Variants in GALNT17 observed in about 807,000 individuals in gnomAD.
GALNT17 encodes UDP-GalNAc:polypeptide N-acetylgalactosaminyltransferase-like 3.
Under a neutral mutation model 63.7 loss-of-function variants are expected in GALNT17, and 29 were observed. The observed-to-expected ratio is 0.46, with a 90% CI of 0.34 to 0.62. The LOEUF (loss-of-function observed/expected upper bound fraction) is 0.62. GALNT17 is among the 20% of genes least tolerant of loss of function. The pLI is 0.01. For missense variants in GALNT17, 603 were observed against 799.6 expected (o/e 0.75, Z 2.97); for synonymous variants, 305 against 318.3 (o/e 0.96, Z 0.45).
intron 1 of GALNT17, among the ~76,000 whole-genome samples, chr7:71,211,416 A>G (rs1789376237): frequency 6.6e-6 from 1 of 152,188 alleles, no homozygotes; most frequent in Non-Finnish European, 1.5e-5. Context: ...GTGGAACTGT[A>G]AGTCCAGTTA....
At chr7:71,693,303 C>CATATATATATATATATATATAT (rs1214195779) in intron 9 of GALNT17, among the ~76,000 whole-genome samples, 3 of 121,982 alleles carry the variant, frequency 2.5e-5, no homozygotes, top group East Asian at 5.5e-4. Context: ...CACACACACA[C>CATATATATATATATATATATAT]ACACACATAT....
intron 9 of GALNT17, among the ~76,000 whole-genome samples, chr7:71,678,095 G>C (rs111307160): frequency 3.3e-5 from 5 of 152,052 alleles, no homozygotes. Context: ...TTCCAGCACA[G>C]CCAAGCATTT....
chr7:71,259,633 T>TTTG (rs1474625557), intron 1 of GALNT17, among the ~76,000 whole-genome samples: 2 of 138,768 alleles, frequency 1.4e-5, no homozygotes, highest in African/African-American at 5.6e-5. Flanking sequence ...CCTGTTTTGT[T>TTTG]TTTTGTTTTT....
chr7:71,404,359 T>A (rs1289593969), intron 3 of GALNT17, among the ~76,000 whole-genome samples: 1 of 152,196 alleles, frequency 6.6e-6, no homozygotes, highest in African/African-American at 2.4e-5. Flanking sequence ...TCTTTTGTCC[T>A]TTTTGTCCTT....
chr7:71,349,255 T>C (rs1278411744), intron 2 of GALNT17, among the ~76,000 whole-genome samples: 1 of 152,142 alleles, frequency 6.6e-6, no homozygotes, highest in African/African-American at 2.4e-5. Context: ...ATTTACAGGC[T>C]TGTAAGAGCT....
chr7:71,686,699 C>G (rs978083776), intron 9 of GALNT17, among the ~76,000 whole-genome samples: 4 of 152,114 alleles, frequency 2.6e-5, no homozygotes, highest in African/African-American at 7.2e-5. Flanking sequence ...CTTCCACATA[C>G]TTTTATACAC....
At chr7:71,281,062 C>G (rs1360726684) in intron 1 of GALNT17, among the ~76,000 whole-genome samples, 5 of 152,154 alleles carry the variant, frequency 3.3e-5, no homozygotes, top group African/African-American at 1.2e-4. Flanking sequence ...CAAGGAAAAG[C>G]AGGAACCATG....
At chr7:71,698,123 C>CAAAAAAAAAAAAAAA (rs10708106) in intron 9 of GALNT17, among the ~76,000 whole-genome samples, 2 of 107,726 alleles carry the variant, frequency 1.9e-5, no homozygotes, top group East Asian at 2.4e-4. Context: ...GACTCTGTCT[C>CAAAAAAAAAAAAAAA]AAAAAAAAAA....
intron 1 of GALNT17, among the ~76,000 whole-genome samples, chr7:71,152,076 C>T (rs960868839): frequency 5.9e-5 from 9 of 152,068 alleles, no homozygotes; most frequent in East Asian, 3.9e-4. Flanking sequence ...TTTGCCGTGT[C>T]GTTCTAAAAT....
In GALNT17 at chr7:71,712,218, C is replaced by T. The variant is rs960854896; in HGVS notation, c.*72C>T. On this transcript the variant is annotated 3_prime_UTR_variant, in exon 11 of 11. Coordinates refer to ENST00000333538, the MANE Select transcript of GALNT17 (RefSeq NM_022479.3). ...CTCCCCCCAACATCTGGACCAGCTGCCCTGGCGGAGAGACAGCAAGGGGCC... is the reference window on the plus strand; with the variant it reads ...CTCCCCCCAACATCTGGACCAGCTGTCCTGGCGGAGAGACAGCAAGGGGCC... 9.6e-6 allele frequency: 15 copies of T among 1,560,990 alleles called. No homozygotes were observed. Among genetic ancestry groups the T allele is most frequent in the African/African-American group, 1.4e-5 (1 of 72,896 alleles).
At chr7:71,347,931 T>G (rs1792124131) in intron 2 of GALNT17, among the ~76,000 whole-genome samples, 1 of 152,212 alleles carries the variant, frequency 6.6e-6, no homozygotes. Flanking sequence ...TTTTCATGAT[T>G]TGATTTTTTC....
At chr7:71,537,337 C>T (rs1385284423) in intron 5 of GALNT17, among the ~76,000 whole-genome samples, 1 of 152,134 alleles carries the variant, frequency 6.6e-6, no homozygotes, top group Non-Finnish European at 1.5e-5. Flanking sequence ...AGGATGTGTT[C>T]ACATCCTGAT....
intron 1 of GALNT17, among the ~76,000 whole-genome samples, chr7:71,159,293 C>T (rs527883680): frequency 4.6e-5 from 7 of 151,820 alleles, no homozygotes; most frequent in South Asian, 2.1e-4. Flanking sequence ...TTCCTAAAAA[C>T]GTTGAGAGGT....
intron 3 of GALNT17, among the ~76,000 whole-genome samples, chr7:71,399,246 C>T (rs1563064538): frequency 6.6e-6 from 1 of 151,848 alleles, no homozygotes; most frequent in Admixed American, 6.6e-5. Context: ...CTGCCCTCCT[C>T]CAAAAAAAAT....
At chr7:71,473,964 A>G (rs1353239980) in intron 5 of GALNT17, among the ~76,000 whole-genome samples, 4 of 152,182 alleles carry the variant, frequency 2.6e-5, no homozygotes, top group Admixed American at 1.3e-4. Context: ...GCTACTCCAT[A>G]GGCAGAGTAG....
At chr7:71,610,705 A>G (rs1790112576) in intron 6 of GALNT17, among the ~76,000 whole-genome samples, 1 of 152,090 alleles carries the variant, frequency 6.6e-6, no homozygotes, top group Admixed American at 6.5e-5. Context: ...TTCAATCTCC[A>G]TCAAAAAGGC....
chr7:71,279,772 G>A (rs1010132111), intron 1 of GALNT17, among the ~76,000 whole-genome samples: 14 of 150,524 alleles, frequency 9.3e-5, no homozygotes, highest in African/African-American at 2.9e-4. Context: ...GGAACGAAGC[G>A]AAATGGGGGG....
At chr7:71,137,621 G>C (rs1006330871) in intron 1 of GALNT17, among the ~76,000 whole-genome samples, 3 of 152,144 alleles carry the variant, frequency 2.0e-5, no homozygotes, top group Admixed American at 1.3e-4. Flanking sequence ...GATGTGGAGA[G>C]GGGTGGGGGC....
At chr7:71,369,281 T>G (rs1215722172) in intron 2 of GALNT17, among the ~76,000 whole-genome samples, 5 of 152,188 alleles carry the variant, frequency 3.3e-5, no homozygotes, top group Non-Finnish European at 4.4e-5. Flanking sequence ...GTCCCTGACC[T>G]CATGGAACCT....
Sources: gnomAD v4.1 joint callset for allele counts (sites outside exome capture counted in the v4.1 genomes callset) on GRCh38, gnomAD v4.1.1 for gene constraint, MANE v1.5 for transcripts, NCBI Gene and HGNC (gene_info 2026-07-23, HGNC 2026-07-21) for gene names.